RANBP2: variants seen among roughly 807,000 people sequenced by gnomAD.
RANBP2 encodes E3 SUMO-protein ligase RanBP2.
Under a neutral mutation model 303.6 loss-of-function variants are expected in RANBP2, and 57 were observed. The ratio of observed to expected loss-of-function variants is 0.19; its 90% CI spans 0.15 to 0.23. The LOEUF (loss-of-function observed/expected upper bound fraction) is 0.23. RANBP2 is among the 10% of genes least tolerant of loss of function. RANBP2 has a pLI of 1.00. For missense variants in RANBP2, 3,138 were observed against 3,780.8 expected (o/e 0.83, Z 4.46); for synonymous variants, 1,167 against 1,301.5 (o/e 0.90, Z 2.23).
At chr2:108,839,025 C>A in the RANBP2 span, 1 of 289,556 alleles carries the variant, frequency 3.5e-6, no homozygotes, top group Non-Finnish European at 5.1e-6. Flanking sequence ...TACATATTGC[C>A]AAATTGTATT....
the RANBP2 span, among the ~76,000 whole-genome samples, chr2:109,375,666 C>T: frequency 6.6e-6 from 1 of 152,236 alleles, no homozygotes; most frequent in Non-Finnish European, 1.5e-5. Context: ...AGGAGGATGG[C>T]AGGCGAGGGA....
the RANBP2 span, among the ~76,000 whole-genome samples, chr2:109,271,109 G>T: frequency 6.6e-6 from 1 of 152,356 alleles, no homozygotes; most frequent in South Asian, 2.1e-4. Flanking sequence ...CACCCAGCCA[G>T]CGAACGGGGC....
At chr2:109,553,137 CAAACA>C in the RANBP2 span, 3 of 1,613,968 alleles carry the variant, frequency 1.9e-6, no homozygotes, top group Non-Finnish European at 2.5e-6. Context: ...ACTCGCTGCA[CAAACA>C]TCTGTTTCAT....
At chr2:109,047,461 C>G in the RANBP2 span, among the ~76,000 whole-genome samples, 620 of 152,230 alleles carry the variant, frequency 4.1e-3, 4 homozygotes, top group Admixed American at 5.8e-3. Context: ...CTTATTGCCC[C>G]CGGATTACAA....
chr2:109,526,052 A>AGTCACCAT, the RANBP2 span, among the ~76,000 whole-genome samples: 1 of 152,080 alleles, frequency 6.6e-6, no homozygotes, highest in Non-Finnish European at 1.5e-5. Context: ...CACCACAACC[A>AGTCACCAT]GTCACCATCA....
At chr2:109,568,732 G>A in the RANBP2 span, among the ~76,000 whole-genome samples, 2 of 152,046 alleles carry the variant, frequency 1.3e-5, no homozygotes, top group African/African-American at 4.8e-5. Flanking sequence ...CAGGGTGATT[G>A]ATCCCTCAGC....
At chr2:109,564,410 C>T in the RANBP2 span, 8 of 1,592,464 alleles carry the variant, frequency 5.0e-6, no homozygotes, top group Non-Finnish European at 6.9e-6. Flanking sequence ...AGCCCATTTC[C>T]TCCAGTTTGC....
chr2:109,646,311 T>C, the RANBP2 span, among the ~76,000 whole-genome samples: 1 of 152,152 alleles, frequency 6.6e-6, no homozygotes, highest in Non-Finnish European at 1.5e-5. Flanking sequence ...GTCATCCAGA[T>C]AAATGATATT....
the RANBP2 span, among the ~76,000 whole-genome samples, chr2:109,064,611 C>T: frequency 3.3e-5 from 5 of 152,052 alleles, no homozygotes; most frequent in African/African-American, 9.7e-5. Flanking sequence ...GAAAGTGCTA[C>T]GGAAATTCGT....
At chr2:109,661,914 T>C in the RANBP2 span, among the ~76,000 whole-genome samples, 1 of 152,168 alleles carries the variant, frequency 6.6e-6, no homozygotes, top group South Asian at 2.1e-4. Context: ...CTTCTCCCTC[T>C]TCCCTAGATC....
At chr2:109,521,204 C>T in the RANBP2 span, among the ~76,000 whole-genome samples, 14 of 147,844 alleles carry the variant, frequency 9.5e-5, no homozygotes, top group Non-Finnish European at 1.6e-4. Context: ...GGTGACAGAG[C>T]GAGACTCCGT....
At chr2:109,204,060 C>T in the RANBP2 span, among the ~76,000 whole-genome samples, 1 of 152,178 alleles carries the variant, frequency 6.6e-6, no homozygotes, top group African/African-American at 2.4e-5. Flanking sequence ...TCGAAAAATG[C>T]CTGGATTTGC....
In RANBP2 at chr2:108,740,757, A is replaced by G. The variant is rs1696019490; in HGVS notation, c.975+76A>G. 7 of 1,594,126 alleles carry G rather than the reference A, an allele frequency of 4.4e-6. No homozygotes were observed. The African/African-American group carries it at 6.8e-5, about 16-fold the overall frequency. ...GTTTGAAATGAAGGTGTGCTCTGGTATGTAATGACAATATGTGAACAAACC... is the reference window on the plus strand; with the variant it reads ...GTTTGAAATGAAGGTGTGCTCTGGTGTGTAATGACAATATGTGAACAAACC... On this transcript the variant is annotated intron_variant, in intron 7 of 28. Transcript: ENST00000283195.
At chr2:109,605,779 T>A in the RANBP2 span, 2 of 152,216 alleles carry the variant, frequency 1.3e-5, no homozygotes, top group Non-Finnish European at 2.9e-5. Flanking sequence ...TTCTTTTCTA[T>A]ACAACAGAAT....
intron 28 of RANBP2, among the ~76,000 whole-genome samples, chr2:108,783,333 T>TAAAAAAAAA (rs71381992): frequency 4.8e-5 from 2 of 41,426 alleles, no homozygotes; most frequent in African/African-American, 2.2e-4. Context: ...AGCCTGTCAT[T>TAAAAAAAAA]AAAAAAAAAA....
the RANBP2 span, among the ~76,000 whole-genome samples, chr2:109,223,745 T>G: frequency 6.6e-6 from 1 of 152,204 alleles, no homozygotes; most frequent in African/African-American, 2.4e-5. Flanking sequence ...TGCAGAGCCG[T>G]GGAGGACAGC....
At chr2:108,735,400 G>T (rs1695490594) in intron 4 of RANBP2, 132 bp from the exon 5 acceptor site, 6 of 1,549,186 alleles carry the variant, frequency 3.9e-6, no homozygotes, top group Non-Finnish European at 5.3e-6. Flanking sequence ...GATGAATAAG[G>T]TATATAGGAT....
chr2:109,614,361 C>G, the RANBP2 span: 1 of 795,640 alleles, frequency 1.3e-6, no homozygotes, highest in Non-Finnish European at 1.7e-6. Context: ...GTCCTCTGGC[C>G]TCAGACGCGT....
At chr2:109,478,696 A>G in the RANBP2 span, among the ~76,000 whole-genome samples, 1 of 152,008 alleles carries the variant, frequency 6.6e-6, no homozygotes, top group South Asian at 2.1e-4. Flanking sequence ...TGGGGAAGGG[A>G]GAGAGGGGGA....
Sources: gnomAD v4.1 joint callset for allele counts (sites outside exome capture counted in the v4.1 genomes callset) on GRCh38, gnomAD v4.1.1 for gene constraint, MANE v1.5 for transcripts, NCBI Gene and HGNC (gene_info 2026-07-23, HGNC 2026-07-21) for gene names.